Variants in HS6ST3 observed in about 807,000 individuals in gnomAD.
The protein encoded by HS6ST3 is heparan sulfate 6-O-sulfotransferase 3, also known as heparan-sulfate 6-O-sulfotransferase 3.
In HS6ST3, 12 loss-of-function variants were observed where a neutral mutation model predicts 36.7. The observed-to-expected ratio is 0.33, with a 90% confidence interval of 0.21 to 0.53. HS6ST3 has a LOEUF of 0.53. HS6ST3 is among the 20% of genes least tolerant of loss of function. The pLI is 0.95. For missense variants in HS6ST3, 584 were observed against 640.9 expected, an observed-to-expected ratio of 0.91 and a Z score of 0.96; for synonymous variants, 240 against 257.5, an observed-to-expected ratio of 0.93 and a Z score of 0.65.
At chr13:96,231,976 G>A (rs1184255027) in intron 1 of HS6ST3, among the ~76,000 whole-genome samples, 1 of 152,156 alleles carries the variant, frequency 6.6e-6, no homozygotes, top group East Asian at 1.9e-4. Flanking sequence ...CTTGTTTCCA[G>A]CAGCATTTGT....
chr13:96,320,814 T>C (rs2054999510), intron 1 of HS6ST3, among the ~76,000 whole-genome samples: 1 of 152,182 alleles, frequency 6.6e-6, no homozygotes, highest in African/African-American at 2.4e-5. Context: ...AGACGTTGGG[T>C]CAGTCTGTTG....
intron 1 of HS6ST3, among the ~76,000 whole-genome samples, chr13:96,239,544 A>G (rs1223907189): frequency 6.6e-6 from 1 of 152,222 alleles, no homozygotes; most frequent in African/African-American, 2.4e-5. Flanking sequence ...TGCTTTTTGC[A>G]AGGCATTCAT....
At chr13:96,821,196 T>C (rs1023297020) in intron 1 of HS6ST3, among the ~76,000 whole-genome samples, 6 of 152,224 alleles carry the variant, frequency 3.9e-5, no homozygotes, top group Non-Finnish European at 1.5e-5. Flanking sequence ...ATCCATGCAC[T>C]CCTGTGCTAA....
intron 1 of HS6ST3, among the ~76,000 whole-genome samples, chr13:96,139,722 CAA>C (rs902791154): frequency 6.6e-6 from 1 of 151,792 alleles, no homozygotes; most frequent in Non-Finnish European, 1.5e-5. Flanking sequence ...GCAATGATTA[CAA>C]AGTTTATATA....
At position 96,834,834 on chromosome 13, in the gene HS6ST3, G is replaced by C. The variant is rs548606114; in HGVS notation, c.*1636G>C. 6.6e-6 allele frequency: 1 copy of C among 152,584 alleles called. No individual in the cohort carries two copies. The highest frequency in any genetic ancestry group is 1.5e-5 in the Non-Finnish European group (1 of 68,048). 9.5% of individuals were successfully genotyped at this position (152,584 alleles called of 1,614,324 possible). On this transcript the variant is annotated 3_prime_UTR_variant, in exon 2 of 2. Transcript: ENST00000376705. ...CATTCACAGAGTGCTTACCTGCCCC[G>C]AGGGAAGTCCAGCAGCTCCACCAGA...
Position 96,799,998 on chromosome 13 carries a change from G to GTATATATATATATGTATA in HS6ST3, c.708-32479_708-32478insGTATATATATATATATAT, listed in dbSNP as rs1566456893. Among the ~76,000 whole-genome samples the GTATATATATATATGTATA allele has an allele frequency of 3.2e-3, 241 of 75,240 alleles. 5 individuals are homozygous for GTATATATATATATGTATA. The highest frequency in any genetic ancestry group is 8.0e-3 in the Admixed American group (59 of 7,360). 49.4% of individuals were successfully genotyped at this position (75,240 alleles called of 152,430 possible). On this transcript the variant is annotated intron_variant, in intron 1 of 1. Transcript: ENST00000376705. Reference sequence around the variant, plus strand: ...TATATATATGTATATATATATATATGTATATATATATATATGTATATATAT... The same window carrying GTATATATATATATGTATA: ...TATATATATGTATATATATATATATGTATATATATATATGTATATATATATATATATATGTATATATAT...
chr13:96,504,236 C>G (rs1296081255), intron 1 of HS6ST3, among the ~76,000 whole-genome samples: 1 of 152,116 alleles, frequency 6.6e-6, no homozygotes. Context: ...GCCCAAAGGT[C>G]ACATAGCTGA....
At chr13:96,752,705 A>T (rs547483522) in intron 1 of HS6ST3, among the ~76,000 whole-genome samples, 3 of 151,926 alleles carry the variant, frequency 2.0e-5, no homozygotes, top group Non-Finnish European at 4.4e-5. Flanking sequence ...ATACCTTGTC[A>T]GTTACATATG....
In HS6ST3 at chr13:96,325,799, G is replaced by A. The variant is rs541504696; in HGVS notation, c.707+234230G>A. 2.0e-5 allele frequency among the ~76,000 whole-genome samples: 3 copies of A among 152,244 alleles called. 1 individual carries two copies. The highest frequency in any genetic ancestry group is 7.2e-5 in the African/African-American group (3 of 41,558). On this transcript the variant is annotated intron_variant, in intron 1 of 1. Transcript: ENST00000376705. ...TTGGTCATTTAAATTGGTTGAGAAA[G>A]TTTTTAAGATATTGTGAAATCCACT... is the stretch of plus-strand genomic sequence containing the variant.
At chr13:96,474,036 G>A (rs773546027) in intron 1 of HS6ST3, among the ~76,000 whole-genome samples, 1 of 152,164 alleles carries the variant, frequency 6.6e-6, no homozygotes, top group Non-Finnish European at 1.5e-5. Flanking sequence ...AAAAGGAGTG[G>A]AATGTTGCAG....
At chr13:96,755,886 G>A (rs73562323) in intron 1 of HS6ST3, among the ~76,000 whole-genome samples, 12,997 of 152,190 alleles carry the variant, frequency 0.085, 1,045 homozygotes, top group African/African-American at 0.2. Context: ...CAGTAGGTGA[G>A]TATTCAACTT....
intron 1 of HS6ST3, among the ~76,000 whole-genome samples, chr13:96,506,244 C>T (rs530338387): frequency 1.3e-5 from 2 of 152,206 alleles, no homozygotes; most frequent in South Asian, 4.1e-4. Context: ...AAAACTCTCA[C>T]TACTTTTAAT....
intron 1 of HS6ST3, among the ~76,000 whole-genome samples, chr13:96,352,426 T>G (rs943384443): frequency 6.6e-5 from 10 of 152,216 alleles, no homozygotes; most frequent in African/African-American, 2.4e-4. Context: ...TCCTTCCCTG[T>G]GGGCCTTTCC....
chr13:96,357,326 T>C (rs1035480691), intron 1 of HS6ST3, among the ~76,000 whole-genome samples: 8 of 152,226 alleles, frequency 5.3e-5, no homozygotes, highest in African/African-American at 1.9e-4. Flanking sequence ...GCTTTCTGCC[T>C]ATCTCAGCTT....
chr13:96,328,297 G>T (rs1407774569), intron 1 of HS6ST3, among the ~76,000 whole-genome samples: 95 of 149,528 alleles, frequency 6.4e-4, no homozygotes, highest in Admixed American at 6.6e-5. Context: ...TGCCCATTCA[G>T]TATGATATTG....
intron 1 of HS6ST3, among the ~76,000 whole-genome samples, chr13:96,829,041 C>A (rs941153747): frequency 5.3e-5 from 8 of 152,164 alleles, no homozygotes; most frequent in Middle Eastern, 3.2e-3. Context: ...TTTAGCTTCT[C>A]TACTGAGCTT....
intron 1 of HS6ST3, among the ~76,000 whole-genome samples, chr13:96,541,518 T>C (rs2056177600): frequency 6.6e-6 from 1 of 152,184 alleles, no homozygotes. Flanking sequence ...TTTTAGGGCT[T>C]AACACATAAG....
intron 1 of HS6ST3, among the ~76,000 whole-genome samples, chr13:96,669,443 A>G (rs1428121267): frequency 1.3e-5 from 2 of 152,136 alleles, no homozygotes; most frequent in African/African-American, 4.8e-5. Flanking sequence ...CTTGGAGGGA[A>G]AATGCTGCAC....
intron 1 of HS6ST3, among the ~76,000 whole-genome samples, chr13:96,297,189 T>C (rs1238059591): frequency 6.6e-6 from 1 of 152,158 alleles, no homozygotes; most frequent in Non-Finnish European, 1.5e-5. Flanking sequence ...TTTTCCTATT[T>C]ATCTGAAGTA....
Sources: gnomAD v4.1 joint callset for allele counts (sites outside exome capture counted in the v4.1 genomes callset) on GRCh38, gnomAD v4.1.1 for gene constraint, MANE v1.5 for transcripts, NCBI Gene and HGNC (gene_info 2026-07-23, HGNC 2026-07-21) for gene names.